Variants in NLRP3 observed in about 807,000 individuals in gnomAD.
NLRP3 encodes the protein NLR family pyrin domain containing 3, also known as NACHT, LRR and PYD domains-containing protein 3.
A neutral mutation model predicts 91.3 loss-of-function variants in NLRP3; 48 were observed. The observed-to-expected ratio is 0.53, with a 90% confidence interval of 0.42 to 0.67. NLRP3 has a LOEUF of 0.67. NLRP3 is among the 30% of genes least tolerant of loss of function. The pLI, the probability that NLRP3 is intolerant of heterozygous loss-of-function variation, is 0.00. For missense variants in NLRP3, 982 were observed against 1,276.9 expected (o/e 0.77, Z 3.52); for synonymous variants, 561 against 507.9 (o/e 1.10, Z -1.41).
chr1:247,444,549 T>C, intron 8 of NLRP3, 102 bp from the exon 9 acceptor site: 2 of 1,288,618 alleles, frequency 1.6e-6, no homozygotes, highest in East Asian at 2.3e-5. Context: ...CCTGTGCTTT[T>C]TTTTTTTCCA....
At chr1:247,445,607 A>G (rs1390480998) in intron 9 of NLRP3, among the ~76,000 whole-genome samples, 1 of 152,162 alleles carries the variant, frequency 6.6e-6, no homozygotes, top group African/African-American at 2.4e-5. Context: ...CCTCTGTGAT[A>G]CTACTGAGGT....
At chr1:247,442,808 T>C (rs1425971969) in intron 7 of NLRP3, among the ~76,000 whole-genome samples, 2 of 152,232 alleles carry the variant, frequency 1.3e-5, no homozygotes, top group African/African-American at 4.8e-5. Flanking sequence ...CAGTGGCTCA[T>C]GCCTGTAATC....
At chr1:247,419,451 G>A (rs1029057618) in intron 2 of NLRP3, among the ~76,000 whole-genome samples, 7 of 152,018 alleles carry the variant, frequency 4.6e-5, no homozygotes, top group African/African-American at 1.2e-4. Flanking sequence ...CACCGCGCCC[G>A]GCCGTAATAA....
chr1:247,424,751 C>T lies in NLRP3; in HGVS notation c.1302C>T (p.Ser434=), dbSNP rs34298354. ...GTGGCAAGAGCCTTGCCCAGACATCCAAGACCACCACCGCGGTGTACGTCT... is the reference window on the plus strand; with the variant it reads ...GTGGCAAGAGCCTTGCCCAGACATCTAAGACCACCACCGCGGTGTACGTCT... ...MESGKSLAQT[S]KTTTAVYVFF... The change falls in exon 4 of 10, where the codon TCC becomes TCT. Residue 434 remains serine (S), a synonymous_variant. Transcript: ENST00000336119. The surrounding 1 kb of genome is among the most constrained non-coding windows in gnomAD (Gnocchi z 8.1). The T allele has an allele frequency of 0.11, 184,808 of 1,613,382 alleles. 11,495 individuals carry two copies. Among genetic ancestry groups the T allele is most frequent in the Middle Eastern group, 0.18 (1,075 of 6,060 alleles).
chr1:247,429,447 ATTT>A, intron 4 of NLRP3, 135 bp from the exon 5 acceptor site: 2 of 904,390 alleles, frequency 2.2e-6, no homozygotes, highest in Admixed American at 1.7e-5. Context: ...TCTGGGAACA[ATTT>A]TTGGTTTCGT....
chr1:247,426,495 G>A (rs1441989266), intron 4 of NLRP3, among the ~76,000 whole-genome samples: 1 of 152,202 alleles, frequency 6.6e-6, no homozygotes, highest in Non-Finnish European at 1.5e-5. Context: ...GAAGACACTT[G>A]ACGTGGGGCA....
At chr1:247,436,587 A>G (rs911039797) in intron 7 of NLRP3, among the ~76,000 whole-genome samples, 3 of 152,310 alleles carry the variant, frequency 2.0e-5, no homozygotes, top group East Asian at 3.9e-4. Flanking sequence ...CAACAGTGTC[A>G]TGGCTCAGCA....
In NLRP3 at chr1:247,448,617, C is replaced by T. The variant is rs1405404939; in HGVS notation, c.*113C>T. 2 of 756,548 alleles carry T rather than the reference C, an allele frequency of 2.6e-6. No homozygotes were observed. The highest frequency in any genetic ancestry group is 1.7e-5 in the African/African-American group (1 of 58,016). 46.9% of individuals were successfully genotyped at this position (756,548 alleles called of 1,614,324 possible). ...CCAAGACCACAGCTCTGTGATCCTT[C>T]CGGTGGAGTGTCGGAGAAGAGAGCT... On this transcript the variant is annotated 3_prime_UTR_variant, in exon 10 of 10. Transcript: ENST00000336119.
rs1248846764 is a variant in NLRP3 at position 247,418,530 on chromosome 1, C to T, written c.-271C>T. 1 of 447,888 alleles carries T rather than the reference C, an allele frequency of 2.2e-6. No homozygotes were observed. The highest frequency in any genetic ancestry group is 4.1e-6 in the Non-Finnish European group (1 of 242,090). 27.7% of individuals were successfully genotyped at this position (447,888 alleles called of 1,614,324 possible). On this transcript the variant is annotated 5_prime_UTR_variant, in exon 2 of 10. Coordinates refer to ENST00000336119, the MANE Select transcript of NLRP3 (RefSeq NM_001243133.2). ...TTGGCCAGGCTGGTCTTGAATTCCTCAGCTCAGGTGATCTGCCTGCCTTGG... is the reference window on the plus strand; with the variant it reads ...TTGGCCAGGCTGGTCTTGAATTCCTTAGCTCAGGTGATCTGCCTGCCTTGG...
chr1:247,443,909 A>G, intron 7 of NLRP3, 63 bp from the exon 8 acceptor site: 1 of 1,548,710 alleles, frequency 6.5e-7, no homozygotes, highest in Non-Finnish European at 8.9e-7. Context: ...ACTGAGTCAA[A>G]GCAGCTGCAC....
Position 247,424,823 on chromosome 1 carries a change from C to T in NLRP3, c.1374C>T (p.His458=), listed in dbSNP as rs180177481. The change falls in exon 4 of 10, where the codon CAC becomes CAT. Residue 458 remains histidine (H), a synonymous_variant. Transcript: ENST00000336119. This position sits in a 1 kb window ranked among gnomAD's most constrained non-coding sequence, Gnocchi z 8.1. The part of the protein sequence containing the change: ...LLQPRGGSQE[H]GLCAHLWGLC... ...AGCCCCGGGGAGGGAGCCAGGAGCA[C>T]GGCCTCTGCGCCCACCTCTGGGGGC... 1.1e-4 allele frequency: 184 copies of T among 1,608,010 alleles called. 2 individuals carry two copies. The highest frequency in any genetic ancestry group is 1.1e-3 in the South Asian group (97 of 91,078).
In NLRP3 at chr1:247,424,222, A is replaced by T; in HGVS notation, c.773A>T (p.His258Leu). 6.2e-7 allele frequency: 1 copy of T among 1,613,994 alleles called. No individual in the cohort carries two copies. Among genetic ancestry groups the T allele is most frequent in the Non-Finnish European group, 8.5e-7 (1 of 1,179,982 alleles). ...AGGTTTGACTATCTGTTCTATATCC[A>T]CTGTCGAGAGGTGAGCCTTGTGACA... Reference protein sequence around the residue: ...QDRFDYLFYIHCREVSLVTQR... With the variant: ...QDRFDYLFYILCREVSLVTQR... The change falls in exon 4 of 10, where the codon CAC (histidine) becomes CTC (leucine). Residue 258 changes from histidine to leucine, a missense_variant. Around this residue, in one of 5 missense-constraint regions of NLRP3, gnomAD observed 548 missense variants for 713.7 expected, o/e 0.77. Transcript: ENST00000336119. This position sits in a 1 kb window ranked among gnomAD's most constrained non-coding sequence, Gnocchi z 8.1.
At position 247,423,281 on chromosome 1, in the gene NLRP3, G is replaced by A. The variant is rs202050558; in HGVS notation, c.329G>A (p.Ser110Asn). ...CCCACTGTGATATGCCAGGAAGACA[G>A]CATTGAAGAGGAGTGGATGGGTTTA... is the stretch of plus-strand genomic sequence containing the variant. ...SNPTVICQED[S>N]IEEEWMGLLE... The change falls in exon 3 of 10, where the codon AGC becomes AAC. Residue 110 changes from serine to asparagine, a missense_variant. Physicochemically the swap from Ser to Asn is conservative, Grantham distance 46. Around this residue, in one of 5 missense-constraint regions of NLRP3, gnomAD observed 548 missense variants for 713.7 expected, o/e 0.77. Transcript: ENST00000336119. 3.0e-5 allele frequency: 48 copies of A among 1,613,306 alleles called. No individual in the cohort carries two copies. Among genetic ancestry groups the A allele is most frequent in the Non-Finnish European group, 3.9e-5 (46 of 1,179,628 alleles).
At chr1:247,447,994 A>G (rs1572238074) in intron 9 of NLRP3, among the ~76,000 whole-genome samples, 1 of 149,782 alleles carries the variant, frequency 6.7e-6, no homozygotes, top group South Asian at 2.1e-4. Context: ...AACAGGAACC[A>G]CATTGGGCAC....
At chr1:247,431,619 T>C (rs1663335744) in intron 5 of NLRP3, among the ~76,000 whole-genome samples, 1 of 152,200 alleles carries the variant, frequency 6.6e-6, no homozygotes. Flanking sequence ...GACATCTTAG[T>C]ACCCATCAGT....
chr1:247,419,447 G>C (rs139190726), intron 2 of NLRP3, among the ~76,000 whole-genome samples: 4 of 152,084 alleles, frequency 2.6e-5, no homozygotes, highest in African/African-American at 9.7e-5. Context: ...GAGCCACCGC[G>C]CCCGGCCGTA....
chr1:247,426,738 A>G (rs903634352), intron 4 of NLRP3, among the ~76,000 whole-genome samples: 10 of 152,158 alleles, frequency 6.6e-5, no homozygotes, highest in African/African-American at 2.2e-4. Flanking sequence ...GGAGGGGGTC[A>G]TGGGCTCTGA....
chr1:247,424,090 C>A lies in NLRP3; in HGVS notation c.641C>A (p.Ser214Tyr), dbSNP rs755148908. ...ELLFDPDDEH[S>Y]EPVHTVVFQG... ...CTGTTTGACCCCGATGATGAGCATT[C>A]TGAGCCTGTGCACACCGTGGTGTTC... The change falls in exon 4 of 10, where the codon TCT (serine) becomes TAT (tyrosine). Residue 214 changes from serine to tyrosine, a missense_variant. Ser to Tyr is a moderately radical substitution (Grantham distance 144). Transcript: ENST00000336119. This position sits in a 1 kb window ranked among gnomAD's most constrained non-coding sequence, Gnocchi z 8.1. 1.7e-5 allele frequency: 28 copies of A among 1,614,098 alleles called. No individual in the cohort carries two copies. Among genetic ancestry groups the A allele is most frequent in the Non-Finnish European group, 2.3e-5 (27 of 1,180,034 alleles).
chr1:247,420,375 G>GCTCCA (rs1662368991), intron 2 of NLRP3, among the ~76,000 whole-genome samples: 1 of 151,666 alleles, frequency 6.6e-6, no homozygotes, highest in African/African-American at 2.4e-5. Flanking sequence ...TTTTCATTTG[G>GCTCCA]TTAACTGTGT....
Sources: gnomAD v4.1 joint callset for allele counts (sites outside exome capture counted in the v4.1 genomes callset) on GRCh38, gnomAD v4.1.1 for gene constraint, gnomAD v4.1.1 regional missense constraint, Gnocchi (gnomAD v3.1) non-coding constraint, MANE v1.5 for transcripts, NCBI Gene and HGNC (gene_info 2026-07-23, HGNC 2026-07-21) for gene names.